LMX1A: variants seen among roughly 807,000 people sequenced by gnomAD.
The protein encoded by LMX1A is LIM homeobox transcription factor 1 alpha, also known as LIM homeobox transcription factor 1-alpha.
In LMX1A, 15 loss-of-function variants were observed where a neutral mutation model predicts 49.1. The ratio of observed to expected loss-of-function variants is 0.31; its 90% CI spans 0.20 to 0.47. LMX1A has a LOEUF of 0.47. Among genes scored for constraint, LMX1A ranks in the 20% least tolerant of loss-of-function variants. The pLI is 1.00. For synonymous variants in LMX1A, 167 were observed against 185.7 expected (o/e 0.90, Z 0.82); for missense variants, 372 against 475.8 (o/e 0.78, Z 2.03).
chr1:165,354,281 G>A (rs975070978), intron 2 of LMX1A, among the ~76,000 whole-genome samples: 2 of 152,112 alleles, frequency 1.3e-5, no homozygotes, highest in Non-Finnish European at 2.9e-5. Flanking sequence ...CGGGAGCTGG[G>A]CCGGTCGCTT....
chr1:165,323,793 T>A (rs1445289386), intron 3 of LMX1A, among the ~76,000 whole-genome samples: 1 of 151,030 alleles, frequency 6.6e-6, no homozygotes, highest in Non-Finnish European at 1.5e-5. Flanking sequence ...TTAACTTCAC[T>A]GTTCTCAATA....
chr1:165,203,211 T>G lies in LMX1A; in HGVS notation c.*669A>C, dbSNP rs991303403. The G allele has an allele frequency of 2.0e-5, 3 of 152,598 alleles. No homozygotes were observed. Among genetic ancestry groups the G allele is most frequent in the African/African-American group, 7.2e-5 (3 of 41,438 alleles). The allele number at this position is 152,598 out of a possible 1,614,324, so 9.5% of individuals were successfully genotyped here. A position where few individuals can be genotyped will look rare whatever the true frequency, so the allele number is the denominator to read the frequency against. On this transcript the variant is annotated 3_prime_UTR_variant, in exon 9 of 9. Transcript: ENST00000342310. The stretch of plus-strand genomic sequence containing the variant: ...GCCACACAGAATTTCTTTCCAGATC[T>G]GAAAGACACTCTGAAAACAGAATGA...
Position 165,203,363 on chromosome 1 carries a change from C to T in LMX1A, c.*517G>A, listed in dbSNP as rs1248159169. ...CATTTTATAACTTAAGTGCATCAAG[C>T]ATTTCCTTAAATATAGTTCACACTG... is the stretch of plus-strand genomic sequence containing the variant. On this transcript the variant is annotated 3_prime_UTR_variant, in exon 9 of 9. Coordinates refer to ENST00000342310, the MANE Select transcript of LMX1A (RefSeq NM_177398.4). 6.5e-6 allele frequency: 1 copy of T among 152,712 alleles called. No homozygotes were observed. Among genetic ancestry groups the T allele is most frequent in the African/African-American group, 2.4e-5 (1 of 41,440 alleles). 9.5% of individuals were successfully genotyped at this position (152,712 alleles called of 1,614,324 possible).
chr1:165,353,946 C>A (rs1656513429), intron 2 of LMX1A, among the ~76,000 whole-genome samples: 1 of 152,174 alleles, frequency 6.6e-6, no homozygotes. Flanking sequence ...GTGTCCCGGC[C>A]GGGATTCCCG....
At chr1:165,254,054 T>C (rs887024193) in intron 3 of LMX1A, among the ~76,000 whole-genome samples, 1 of 152,060 alleles carries the variant, frequency 6.6e-6, no homozygotes, top group African/African-American at 2.4e-5. Context: ...AGGCCCTTTG[T>C]CCCCAAGCTC....
At chr1:165,286,901 T>G (rs1654317671) in intron 3 of LMX1A, among the ~76,000 whole-genome samples, 1 of 152,166 alleles carries the variant, frequency 6.6e-6, no homozygotes, top group Non-Finnish European at 1.5e-5. Context: ...AAGTGAAGTT[T>G]GGTGCTGAAA....
intron 4 of LMX1A, among the ~76,000 whole-genome samples, chr1:165,230,600 G>A (rs1331302553): frequency 6.6e-6 from 1 of 152,194 alleles, no homozygotes; most frequent in African/African-American, 2.4e-5. Flanking sequence ...CATGAATGTG[G>A]ATGTCTGACT....
intron 4 of LMX1A, among the ~76,000 whole-genome samples, chr1:165,217,772 AT>A (rs2102608317): frequency 6.6e-6 from 1 of 152,316 alleles, no homozygotes; most frequent in East Asian, 1.9e-4. Context: ...CTCAGGGTTA[AT>A]GGTAGCAGTA....
chr1:165,331,111 A>C (rs977476759), intron 3 of LMX1A, among the ~76,000 whole-genome samples: 2 of 152,232 alleles, frequency 1.3e-5, no homozygotes, highest in Non-Finnish European at 2.9e-5. Flanking sequence ...ATTTAAAATT[A>C]TTAACATGAC....
At chr1:165,318,063 G>A (rs1370512093) in intron 3 of LMX1A, among the ~76,000 whole-genome samples, 1 of 152,212 alleles carries the variant, frequency 6.6e-6, no homozygotes, top group Non-Finnish European at 1.5e-5. Flanking sequence ...GAGAGAGGCT[G>A]AGGTAACTTT....
chr1:165,225,280 C>T (rs950298418), intron 4 of LMX1A, among the ~76,000 whole-genome samples: 4 of 152,134 alleles, frequency 2.6e-5, no homozygotes, highest in Admixed American at 6.5e-5. Flanking sequence ...GGTGAGAACA[C>T]AAGATTAAGT....
chr1:165,334,185 C>T (rs1384641262), intron 3 of LMX1A, among the ~76,000 whole-genome samples: 6 of 152,052 alleles, frequency 3.9e-5, no homozygotes, highest in Non-Finnish European at 8.8e-5. Context: ...TTGAGACTGC[C>T]GACTGACCCA....
chr1:165,296,900 C>A (rs962558269), intron 3 of LMX1A, among the ~76,000 whole-genome samples: 1 of 152,246 alleles, frequency 6.6e-6, no homozygotes, highest in African/African-American at 2.4e-5. Flanking sequence ...GGTGGACCCA[C>A]ATTTAGCAAA....
At chr1:165,287,055 G>T (rs373631010) in intron 3 of LMX1A, among the ~76,000 whole-genome samples, 3 of 152,000 alleles carry the variant, frequency 2.0e-5, no homozygotes, top group Non-Finnish European at 4.4e-5. Flanking sequence ...TTAATAGAAA[G>T]AATAAATCAA....
intron 4 of LMX1A, among the ~76,000 whole-genome samples, chr1:165,220,228 A>G (rs986087442): frequency 9.2e-5 from 14 of 152,172 alleles, no homozygotes; most frequent in Admixed American, 2.6e-4. Context: ...AAGATACTAA[A>G]GTATATTAAA....
At position 165,347,431 on chromosome 1, in the gene LMX1A, A is replaced by G. The variant is rs549060712; in HGVS notation, c.263+5645T>C. 3.8e-3 allele frequency among the ~76,000 whole-genome samples: 584 copies of G among 152,324 alleles called. 4 individuals carry two copies. Among genetic ancestry groups the G allele is most frequent in the African/African-American group, 0.013 (544 of 41,578 alleles). On this transcript the variant is annotated intron_variant, in intron 3 of 8. Transcript: ENST00000342310. ...CCCACATAGGAGCCTTTCTGCTTCT[A>G]TGCAGAGGGTGGGAGAGACACACCT...
chr1:165,334,989 T>C (rs538574890), intron 3 of LMX1A, among the ~76,000 whole-genome samples: 1 of 152,350 alleles, frequency 6.6e-6, no homozygotes, highest in African/African-American at 2.4e-5. Context: ...AAGTCCTGAA[T>C]GTTTTTTACC....
At chr1:165,311,040 A>G (rs1312856422) in intron 3 of LMX1A, among the ~76,000 whole-genome samples, 1 of 152,202 alleles carries the variant, frequency 6.6e-6, no homozygotes, top group Non-Finnish European at 1.5e-5. Context: ...TCTAATGTTC[A>G]AGAAGTTTAA....
At chr1:165,351,318 A>G (rs1212184432) in intron 3 of LMX1A, among the ~76,000 whole-genome samples, 1 of 152,250 alleles carries the variant, frequency 6.6e-6, no homozygotes, top group Non-Finnish European at 1.5e-5. Flanking sequence ...ACACAATACC[A>G]AAAGCTTTCG....
Sources: allele counts gnomAD v4.1 joint callset (sites outside exome capture counted in the v4.1 genomes callset), GRCh38; gene constraint gnomAD v4.1.1; transcripts MANE v1.5; gene names NCBI Gene and HGNC (gene_info 2026-07-23, HGNC 2026-07-21).